Variants in CNTN5 observed in about 807,000 individuals in gnomAD.
CNTN5 encodes contactin-5.
A neutral mutation model predicts 129.1 loss-of-function variants in CNTN5; 77 were observed. The ratio of observed to expected loss-of-function variants is 0.60; its 90% CI spans 0.50 to 0.72. The LOEUF is 0.72. Ranked by LOEUF, CNTN5 falls within the 30% of genes least tolerant of loss-of-function variation. The pLI is 0.00. For synonymous variants in CNTN5, 509 were observed against 465.6 expected (o/e 1.09, Z -1.20); for missense variants, 1,478 against 1,328.8 (o/e 1.11, Z -1.75).
intron 3 of CNTN5, among the ~76,000 whole-genome samples, chr11:99,579,459 T>G (rs1949491244): frequency 6.6e-6 from 1 of 151,378 alleles, no homozygotes; most frequent in African/African-American, 2.4e-5. Context: ...TTCCTACCCA[T>G]GAGCATGGAA....
At chr11:99,848,215 A>G (rs1419512729) in intron 6 of CNTN5, among the ~76,000 whole-genome samples, 1 of 152,166 alleles carries the variant, frequency 6.6e-6, no homozygotes, top group Non-Finnish European at 1.5e-5. Context: ...TTCTCAAAAC[A>G]AAACAAAACA....
chr11:99,787,104 T>A (rs533659164), intron 3 of CNTN5, among the ~76,000 whole-genome samples: 77 of 151,016 alleles, frequency 5.1e-4, no homozygotes, highest in Non-Finnish European at 7.4e-4. Context: ...TTTTTTTGTT[T>A]TTTATTTATT....
chr11:99,685,428 T>C (rs1482551360), intron 3 of CNTN5, among the ~76,000 whole-genome samples: 1 of 151,936 alleles, frequency 6.6e-6, no homozygotes, highest in Non-Finnish European at 1.5e-5. Context: ...ATTTTCTTTC[T>C]ATTTGCTTCT....
At chr11:99,308,259 A>C (rs557932553) in intron 1 of CNTN5, among the ~76,000 whole-genome samples, 12 of 152,302 alleles carry the variant, frequency 7.9e-5, no homozygotes, top group Admixed American at 4.6e-4. Flanking sequence ...GAAAAGCAAC[A>C]AATAAAGAGC....
intron 2 of CNTN5, among the ~76,000 whole-genome samples, chr11:99,504,226 T>C (rs1946530223): frequency 6.6e-6 from 1 of 152,066 alleles, no homozygotes. Context: ...TAGACAAGTG[T>C]TTTTACTCTT....
chr11:99,890,099 T>C (rs1565643814), intron 6 of CNTN5, among the ~76,000 whole-genome samples: 1 of 152,112 alleles, frequency 6.6e-6, no homozygotes, highest in Non-Finnish European at 1.5e-5. Flanking sequence ...CAGAAACTTA[T>C]GTTGGGTTTC....
chr11:99,430,771 A>C (rs1193069360), intron 2 of CNTN5, among the ~76,000 whole-genome samples: 4 of 152,028 alleles, frequency 2.6e-5, no homozygotes, highest in Admixed American at 6.6e-5. Flanking sequence ...AAGAAAGAAA[A>C]ATAAAAGAAA....
intron 4 of CNTN5, among the ~76,000 whole-genome samples, chr11:99,840,123 C>T (rs2135668570): frequency 6.6e-6 from 1 of 152,148 alleles, no homozygotes; most frequent in African/African-American, 2.4e-5. Context: ...GACAGTTAGG[C>T]CGGAGTCAGA....
chr11:99,475,247 T>C (rs1945326612), intron 2 of CNTN5, among the ~76,000 whole-genome samples: 1 of 152,302 alleles, frequency 6.6e-6, no homozygotes, highest in Admixed American at 6.5e-5. Context: ...CACAATTTCG[T>C]CTCCATGTCT....
chr11:99,961,072 G>A (rs903906385), intron 8 of CNTN5, among the ~76,000 whole-genome samples: 2 of 151,828 alleles, frequency 1.3e-5, no homozygotes, highest in Admixed American at 6.6e-5. Flanking sequence ...GGGCATGGTG[G>A]TGCATGCCTG....
chr11:99,832,318 A>C (rs985569483), intron 4 of CNTN5, among the ~76,000 whole-genome samples: 2 of 152,200 alleles, frequency 1.3e-5, no homozygotes, highest in Non-Finnish European at 2.9e-5. Context: ...CTGTAATTAC[A>C]TTGGCATCAA....
At chr11:100,115,596 A>G (rs1260312182) in intron 13 of CNTN5, among the ~76,000 whole-genome samples, 2 of 152,022 alleles carry the variant, frequency 1.3e-5, no homozygotes, top group Non-Finnish European at 2.9e-5. Context: ...GAGAAATAGG[A>G]CACCTCTGTC....
At chr11:100,016,612 G>A (rs1169953742) in intron 9 of CNTN5, among the ~76,000 whole-genome samples, 2 of 151,818 alleles carry the variant, frequency 1.3e-5, no homozygotes. Context: ...CATTGTCCCA[G>A]GCTGTTTGCT....
At chr11:99,460,979 A>C (rs919203896) in intron 2 of CNTN5, among the ~76,000 whole-genome samples, 6 of 152,068 alleles carry the variant, frequency 3.9e-5, no homozygotes, top group African/African-American at 1.4e-4. Flanking sequence ...AAATTGGAAA[A>C]CACCTAAAAG....
intron 1 of CNTN5, among the ~76,000 whole-genome samples, chr11:99,038,807 T>C (rs1264912892): frequency 6.6e-6 from 1 of 151,892 alleles, no homozygotes; most frequent in African/African-American, 2.4e-5. Flanking sequence ...ACATCTTTCA[T>C]TATAAAATGT....
At chr11:99,690,058 T>C (rs963674026) in intron 3 of CNTN5, among the ~76,000 whole-genome samples, 1 of 152,172 alleles carries the variant, frequency 6.6e-6, no homozygotes, top group Non-Finnish European at 1.5e-5. Flanking sequence ...TTTTATAGTT[T>C]TGGGTTTTAC....
chr11:99,773,848 C>T (rs531781599), intron 3 of CNTN5, among the ~76,000 whole-genome samples: 1 of 152,190 alleles, frequency 6.6e-6, no homozygotes, highest in African/African-American at 2.4e-5. Flanking sequence ...TGATCCCTGT[C>T]TTCCTTTGGA....
At chr11:99,770,826 C>T (rs1944920125) in intron 3 of CNTN5, among the ~76,000 whole-genome samples, 1 of 151,824 alleles carries the variant, frequency 6.6e-6, no homozygotes, top group African/African-American at 2.4e-5. Flanking sequence ...TGTATGGAAA[C>T]ATAAAATATT....
intron 13 of CNTN5, among the ~76,000 whole-genome samples, chr11:100,083,775 T>C (rs570303323): frequency 2.6e-5 from 4 of 152,242 alleles, no homozygotes; most frequent in African/African-American, 9.6e-5. Flanking sequence ...GATAAACACT[T>C]CAGGAACTCT....
Sources: gnomAD v4.1 joint callset for allele counts (sites outside exome capture counted in the v4.1 genomes callset) on GRCh38, gnomAD v4.1.1 for gene constraint, MANE v1.5 for transcripts, NCBI Gene and HGNC (gene_info 2026-07-23, HGNC 2026-07-21) for gene names.